TTC29: variants seen among roughly 807,000 people sequenced by gnomAD.
TTC29 encodes tetratricopeptide repeat domain 29.
A neutral mutation model predicts 58.1 loss-of-function variants in TTC29; 49 were observed. That is an observed-to-expected ratio of 0.84 (90% confidence interval 0.67 to 1.07). The LOEUF is 1.07. Among genes scored for constraint, TTC29 ranks in the 50% least tolerant of loss-of-function variants. TTC29 has a pLI of 0.00. For synonymous variants in TTC29, 209 were observed against 196.8 expected, an observed-to-expected ratio of 1.06 and a Z score of -0.52; for missense variants, 582 against 555.6, an observed-to-expected ratio of 1.05 and a Z score of -0.48.
chr4:146,709,938 C>T (rs1468896124), intron 11 of TTC29, among the ~76,000 whole-genome samples: 1 of 152,088 alleles, frequency 6.6e-6, no homozygotes, highest in Non-Finnish European at 1.5e-5. Context: ...TTCACTAGAC[C>T]TCATGCCCTC....
At chr4:146,827,354 G>T (rs532357817) in intron 9 of TTC29, among the ~76,000 whole-genome samples, 1 of 152,124 alleles carries the variant, frequency 6.6e-6, no homozygotes, top group Non-Finnish European at 1.5e-5. Context: ...GGCCATCTTG[G>T]CCCCGCCCCC....
chr4:146,841,922 ACTGT>A (rs1445679159), intron 8 of TTC29, among the ~76,000 whole-genome samples: 1 of 152,072 alleles, frequency 6.6e-6, no homozygotes, highest in Non-Finnish European at 1.5e-5. Context: ...ATGTAAAAGT[ACTGT>A]CTAAGGATTT....
At chr4:146,758,343 A>G (rs12506055) in intron 11 of TTC29, among the ~76,000 whole-genome samples, 7,398 of 152,194 alleles carry the variant, frequency 0.049, 318 homozygotes, top group Admixed American at 0.12. Context: ...TTATAAAACA[A>G]TTACTAATAG....
chr4:146,777,259 A>G (rs933438154), intron 11 of TTC29, among the ~76,000 whole-genome samples: 7 of 152,228 alleles, frequency 4.6e-5, no homozygotes, highest in Admixed American at 3.9e-4. Flanking sequence ...TTGTGATAAC[A>G]GAATGTCTGC....
intron 11 of TTC29, among the ~76,000 whole-genome samples, chr4:146,740,173 G>A (rs77489402): frequency 2.6e-5 from 4 of 152,098 alleles, no homozygotes; most frequent in Non-Finnish European, 5.9e-5. Context: ...TGGAGCCATC[G>A]TATTTTTGTA....
At position 146,859,491 on chromosome 4, in the gene TTC29, T is replaced by C. The variant is rs151266207; in HGVS notation, c.885+8007A>G. Among the ~76,000 whole-genome samples the C allele has an allele frequency of 1.1e-4, 16 of 152,294 alleles. No homozygotes were observed. In the East Asian group the frequency reaches 3.1e-3, roughly 29 times the overall value. Reference sequence around the variant, plus strand: ...CAAGTGTATTTGCTTGCCTTGCCTTTCCCAGACTATGAATTCTGGCATAAC... The same window carrying C: ...CAAGTGTATTTGCTTGCCTTGCCTTCCCCAGACTATGAATTCTGGCATAAC... On this transcript the variant is annotated intron_variant, in intron 8 of 12. Transcript: ENST00000325106.
chr4:146,829,364 A>G (rs1016710606), intron 9 of TTC29, among the ~76,000 whole-genome samples: 7 of 152,328 alleles, frequency 4.6e-5, no homozygotes, highest in Non-Finnish European at 8.8e-5. Flanking sequence ...ATTTTGGTTG[A>G]ACCAATGCAT....
chr4:146,737,465 T>C (rs1240232159), intron 11 of TTC29, among the ~76,000 whole-genome samples: 2 of 151,724 alleles, frequency 1.3e-5, no homozygotes, highest in African/African-American at 4.8e-5. Flanking sequence ...CTCAGGTGTA[T>C]AATGACAGTA....
intron 8 of TTC29, among the ~76,000 whole-genome samples, chr4:146,848,797 A>C (rs1332849365): frequency 6.6e-6 from 1 of 152,174 alleles, no homozygotes; most frequent in Non-Finnish European, 1.5e-5. Flanking sequence ...AGGAACTTAG[A>C]CCTGTACCTG....
chr4:146,915,479 A>G (rs146323785), intron 4 of TTC29, among the ~76,000 whole-genome samples: 15 of 152,076 alleles, frequency 9.9e-5, no homozygotes, highest in African/African-American at 3.4e-4. Context: ...ATCCAGGAAG[A>G]GCAAATTAAA....
chr4:146,723,812 A>C (rs1743560949), intron 11 of TTC29, among the ~76,000 whole-genome samples: 1 of 152,242 alleles, frequency 6.6e-6, no homozygotes, highest in African/African-American at 2.4e-5. Context: ...TGTGGAAAGC[A>C]GTTTGGAGAT....
chr4:146,881,959 G>T (rs192885367), intron 6 of TTC29, among the ~76,000 whole-genome samples: 1 of 152,150 alleles, frequency 6.6e-6, no homozygotes, highest in East Asian at 1.9e-4. Context: ...TCCTCTCTTT[G>T]TCATTTGGAG....
chr4:146,797,305 A>T (rs2150110575), intron 11 of TTC29, among the ~76,000 whole-genome samples: 1 of 152,384 alleles, frequency 6.6e-6, no homozygotes, highest in African/African-American at 2.4e-5. Context: ...CAAATTTAAA[A>T]AGAAAAATTA....
intron 11 of TTC29, among the ~76,000 whole-genome samples, chr4:146,709,216 A>G (rs1234893965): frequency 2.6e-5 from 4 of 152,090 alleles, no homozygotes; most frequent in Non-Finnish European, 5.9e-5. Context: ...TACCACAGCC[A>G]TTAATTCTCC....
At chr4:146,711,012 A>T (rs1178774155) in intron 11 of TTC29, among the ~76,000 whole-genome samples, 6 of 152,158 alleles carry the variant, frequency 3.9e-5, no homozygotes, top group African/African-American at 1.4e-4. Context: ...ATGAATTGAA[A>T]TGGAGAAGAC....
chr4:146,907,835 A>T (rs945081912), intron 5 of TTC29, among the ~76,000 whole-genome samples: 3 of 152,096 alleles, frequency 2.0e-5, no homozygotes, highest in African/African-American at 7.2e-5. Context: ...CTTTTTATTT[A>T]CAATAGTTAA....
rs189050558 is a variant in TTC29, at chr4:146,764,594, T to C, written c.1330+38863A>G. On this transcript the variant is annotated intron_variant, in intron 11 of 12. Transcript: ENST00000325106. ...ATCAGTTTAGGAGCGTACCCATACATAGGCTCAGTTATGTAAGAATTTTTC... is the reference window on the plus strand; with the variant it reads ...ATCAGTTTAGGAGCGTACCCATACACAGGCTCAGTTATGTAAGAATTTTTC... Among the ~76,000 whole-genome samples, 72 of 152,208 alleles carry C rather than the reference T, an allele frequency of 4.7e-4. 1 individual carries two copies. The highest frequency in any genetic ancestry group is 1.7e-3 in the African/African-American group (70 of 41,548).
In TTC29 at chr4:146,897,895, T is replaced by C. The variant is rs114758793; in HGVS notation, c.586+5649A>G. On this transcript the variant is annotated intron_variant, in intron 6 of 12. Transcript: ENST00000325106. The stretch of plus-strand genomic sequence containing the variant: ...AGAGAGGGTCTAGTAGCAGAGTTGT[T>C]GTCAGCCTTTGGGAGTTGGTGACTA... Among the ~76,000 whole-genome samples the C allele has an allele frequency of 5.1e-3, 778 of 152,332 alleles. 5 individuals carry two copies. The highest frequency in any genetic ancestry group is 0.018 in the African/African-American group (742 of 41,586).
chr4:146,843,351 C>T (rs530409912), intron 8 of TTC29, among the ~76,000 whole-genome samples: 117 of 152,214 alleles, frequency 7.7e-4, no homozygotes, highest in African/African-American at 1.9e-3. Flanking sequence ...TTTTGCATTC[C>T]GCTGAAACTA....
Sources: gnomAD v4.1 joint callset for allele counts (sites outside exome capture counted in the v4.1 genomes callset) on GRCh38, gnomAD v4.1.1 for gene constraint, MANE v1.5 for transcripts, NCBI Gene and HGNC (gene_info 2026-07-23, HGNC 2026-07-21) for gene names.